RSPO2: variants seen among roughly 807,000 people sequenced by gnomAD.
RSPO2 encodes the protein R-spondin 2.
In RSPO2, 14 loss-of-function variants were observed where a neutral mutation model predicts 30.9. The observed-to-expected ratio is 0.45, with a 90% CI of 0.30 to 0.71. RSPO2 has a LOEUF of 0.71. Ranked by LOEUF, RSPO2 falls within the 30% of genes least tolerant of loss-of-function variation. The probability of loss-of-function intolerance (pLI) is 0.08; values close to 1 mark genes in which losing one functional copy is unlikely to be tolerated. For synonymous variants in RSPO2, 107 were observed against 96.4 expected (o/e 1.11, Z -0.64); for missense variants, 264 against 301.9 (o/e 0.87, Z 0.93).
At chr8:107,974,682 G>A (rs1365904873) in intron 3 of RSPO2, among the ~76,000 whole-genome samples, 1 of 152,152 alleles carries the variant, frequency 6.6e-6, no homozygotes, top group Non-Finnish European at 1.5e-5. Flanking sequence ...AGAGAGGTGG[G>A]AGGGAGAGAG....
intron 2 of RSPO2, among the ~76,000 whole-genome samples, chr8:108,005,003 T>A (rs1173750918): frequency 6.6e-6 from 1 of 152,210 alleles, no homozygotes; most frequent in Non-Finnish European, 1.5e-5. Context: ...TAACCCAATA[T>A]GATGGGTTTG....
intron 5 of RSPO2, among the ~76,000 whole-genome samples, chr8:107,933,267 C>A (rs1446204847): frequency 6.6e-6 from 1 of 152,154 alleles, no homozygotes; most frequent in Non-Finnish European, 1.5e-5. Flanking sequence ...AGCATTACAA[C>A]CTAGTCCATG....
At chr8:108,072,028 C>T (rs1380782565) in intron 2 of RSPO2, among the ~76,000 whole-genome samples, 3 of 152,046 alleles carry the variant, frequency 2.0e-5, no homozygotes, top group Non-Finnish European at 4.4e-5. Context: ...TAGTTACCCC[C>T]AAAGAGTTAT....
chr8:108,069,231 A>T (rs1009792073), intron 2 of RSPO2, among the ~76,000 whole-genome samples: 11 of 148,396 alleles, frequency 7.4e-5, no homozygotes, highest in East Asian at 4.1e-4. Flanking sequence ...ACACACACAC[A>T]CTCACAGAGT....
chr8:107,983,255 T>A, intron 3 of RSPO2: 1 of 1,587,474 alleles, frequency 6.3e-7, no homozygotes, highest in Non-Finnish European at 8.6e-7. Flanking sequence ...GCTATGAAGC[T>A]GACACAGTCT....
At chr8:107,974,719 C>T (rs1406231201) in intron 3 of RSPO2, among the ~76,000 whole-genome samples, 1 of 151,588 alleles carries the variant, frequency 6.6e-6, no homozygotes, top group Non-Finnish European at 1.5e-5. Flanking sequence ...GAGGAAAAAG[C>T]AGGGAGGGGG....
At position 107,901,111 on chromosome 8, in the gene RSPO2, G is replaced by C; in HGVS notation, c.696C>G (p.His232Gln). ...RKLIERAQEQHSVFLATDRAN... is the reference protein window; with the variant it reads ...RKLIERAQEQQSVFLATDRAN... Reference sequence around the variant, plus strand: ...CTCTGTCTGTAGCTAGGAAGACGCTGTGTTGCTCCTGGGCCCTTTCTATCA... The same window carrying C: ...CTCTGTCTGTAGCTAGGAAGACGCTCTGTTGCTCCTGGGCCCTTTCTATCA... Residue 232 changes from histidine to glutamine, a missense_variant, in exon 6 of 6, where the codon CAC (histidine) becomes CAG (glutamine). His to Gln is a conservative substitution (Grantham distance 24, BLOSUM62 0). Transcript: ENST00000276659. The C allele has an allele frequency of 6.2e-7, 1 of 1,614,186 alleles. No homozygotes were observed.
At chr8:108,060,607 T>A (rs1302079535) in intron 2 of RSPO2, among the ~76,000 whole-genome samples, 1 of 151,722 alleles carries the variant, frequency 6.6e-6, no homozygotes, top group Non-Finnish European at 1.5e-5. Flanking sequence ...TGGAAAACAC[T>A]CTGCAGGATA....
intron 3 of RSPO2, among the ~76,000 whole-genome samples, chr8:107,973,496 T>G (rs977949878): frequency 2.0e-5 from 3 of 148,642 alleles, no homozygotes; most frequent in South Asian, 4.3e-4. Flanking sequence ...GCTTGGGAAC[T>G]GAGTGATACA....
At chr8:108,073,675 C>CTA (rs1384676003) in intron 2 of RSPO2, among the ~76,000 whole-genome samples, 4 of 152,154 alleles carry the variant, frequency 2.6e-5, no homozygotes, top group Non-Finnish European at 5.9e-5. Context: ...AACAAAACCC[C>CTA]TATACTGTAT....
intron 2 of RSPO2, among the ~76,000 whole-genome samples, chr8:108,012,117 A>T (rs1338032178): frequency 6.6e-6 from 1 of 152,220 alleles, no homozygotes; most frequent in Non-Finnish European, 1.5e-5. Flanking sequence ...TCCTGCTCAT[A>T]TAAATAATTT....
intron 3 of RSPO2, among the ~76,000 whole-genome samples, chr8:107,981,697 G>A (rs907737280): frequency 6.6e-6 from 1 of 152,028 alleles, no homozygotes; most frequent in South Asian, 2.1e-4. Context: ...TAAAACCTGT[G>A]TCATTTCATT....
rs76302182 is a variant in RSPO2 at position 107,953,704 on chromosome 8, G to A, written c.616+4376C>T. 8.2e-3 allele frequency among the ~76,000 whole-genome samples: 1,248 copies of A among 152,218 alleles called. 16 individuals carry two copies. The highest frequency in any genetic ancestry group is 0.029 in the African/African-American group (1,191 of 41,518). On this transcript the variant is annotated intron_variant, in intron 5 of 5. Coordinates refer to ENST00000276659, the MANE Select transcript of RSPO2 (RefSeq NM_178565.5). Reference sequence around the variant, plus strand: ...CTCTCGGTTCTACCACTAGTAACTTGTTAGGTATCACTTTGGACCAGTCAG... The same window carrying A: ...CTCTCGGTTCTACCACTAGTAACTTATTAGGTATCACTTTGGACCAGTCAG...
At chr8:107,907,991 G>GA (rs1194592506) in intron 5 of RSPO2, among the ~76,000 whole-genome samples, 2 of 151,964 alleles carry the variant, frequency 1.3e-5, no homozygotes, top group African/African-American at 2.4e-5. Context: ...GATGGAAATG[G>GA]AAAAAAAGCT....
In RSPO2 at chr8:107,906,588, A is replaced by C. The variant is rs1811655203; in HGVS notation, c.617-5398T>G. Among the ~76,000 whole-genome samples the C allele has an allele frequency of 2.0e-5, 3 of 152,024 alleles. 1 individual carries two copies. The South Asian group carries it at 6.2e-4, about 32-fold the overall frequency. Reference sequence around the variant, plus strand: ...CTTGTAATTAGATCTGAAATATAAAAGCTTAAAAACTATTGGCCTAAACAC... The same window carrying C: ...CTTGTAATTAGATCTGAAATATAAACGCTTAAAAACTATTGGCCTAAACAC... On this transcript the variant is annotated intron_variant, in intron 5 of 5. Coordinates refer to ENST00000276659, the MANE Select transcript of RSPO2 (RefSeq NM_178565.5).
At chr8:108,033,005 G>A (rs1476573240) in intron 2 of RSPO2, among the ~76,000 whole-genome samples, 1 of 124,910 alleles carries the variant, frequency 8.0e-6, no homozygotes, top group Non-Finnish European at 1.6e-5. Flanking sequence ...AGCCAAGATC[G>A]CACCACTGCA....
chr8:108,019,793 C>T (rs1363093327), intron 2 of RSPO2, among the ~76,000 whole-genome samples: 1 of 151,984 alleles, frequency 6.6e-6, no homozygotes, highest in Non-Finnish European at 1.5e-5. Flanking sequence ...ATATAGTAGT[C>T]CCTTATGGGG....
chr8:108,082,829 CAG>C (rs935160773), intron 1 of RSPO2, 22 bp from the exon 2 acceptor site: 28 of 571,548 alleles, frequency 4.9e-5, no homozygotes, highest in East Asian at 8.8e-5. Context: ...GAAGCGAAAA[CAG>C]GGTGTGTGGG....
intron 2 of RSPO2, among the ~76,000 whole-genome samples, chr8:108,033,808 G>A (rs1040226953): frequency 6.6e-6 from 1 of 152,180 alleles, no homozygotes; most frequent in South Asian, 2.1e-4. Flanking sequence ...TGTGTGGAAA[G>A]AAAGGCATGG....
Sources: allele counts gnomAD v4.1 joint callset (sites outside exome capture counted in the v4.1 genomes callset), GRCh38; gene constraint gnomAD v4.1.1; transcripts MANE v1.5; gene names NCBI Gene and HGNC (gene_info 2026-07-23, HGNC 2026-07-21).